The following ST6GALNAC3 variants were observed in gnomAD, a reference collection of about 807,000 sequenced individuals.
ST6GALNAC3 encodes alpha-N-acetylgalactosaminide alpha-2,6-sialyltransferase 3.
ST6GALNAC3 carries 25 observed loss-of-function variants against 32.7 expected under a neutral mutation model. The observed-to-expected ratio is 0.76, with a 90% CI of 0.56 to 1.07. The LOEUF is 1.07. ST6GALNAC3 is among the 50% of genes least tolerant of loss of function. The probability of loss-of-function intolerance (pLI) is 0.00; values close to 1 mark genes in which losing one functional copy is unlikely to be tolerated. For missense variants in ST6GALNAC3, 355 were observed against 382.4 expected (o/e 0.93, Z 0.60); for synonymous variants, 129 against 133.1 (o/e 0.97, Z 0.21).
chr1:76,417,701 T>A (rs1352224207), intron 3 of ST6GALNAC3, among the ~76,000 whole-genome samples: 2 of 152,162 alleles, frequency 1.3e-5, no homozygotes, highest in Admixed American at 6.5e-5. Context: ...GGCACATTAT[T>A]TAATTAAGTA....
chr1:76,488,263 G>A (rs560992455), intron 3 of ST6GALNAC3, among the ~76,000 whole-genome samples: 24 of 152,016 alleles, frequency 1.6e-4, no homozygotes, highest in Non-Finnish European at 3.4e-4. Flanking sequence ...AAAAGTGTGT[G>A]GCACCTCCAC....
At chr1:76,520,817 T>C (rs796268332) in intron 3 of ST6GALNAC3, among the ~76,000 whole-genome samples, 10 of 152,328 alleles carry the variant, frequency 6.6e-5, no homozygotes, top group African/African-American at 2.4e-4. Context: ...GGTTTGTAAC[T>C]ACATGGTACA....
chr1:76,288,701 T>TA (rs1032743826), intron 1 of ST6GALNAC3, among the ~76,000 whole-genome samples: 2 of 151,900 alleles, frequency 1.3e-5, no homozygotes, highest in Middle Eastern at 3.2e-3. Flanking sequence ...AATTTTATTC[T>TA]AAAAAAAATT....
At chr1:76,530,120 T>C (rs954706039) in intron 3 of ST6GALNAC3, among the ~76,000 whole-genome samples, 2 of 152,340 alleles carry the variant, frequency 1.3e-5, no homozygotes, top group Middle Eastern at 3.4e-3. Flanking sequence ...AACACTTGCT[T>C]GTGCCAGAAT....
At chr1:76,555,844 G>T (rs558631756) in intron 3 of ST6GALNAC3, among the ~76,000 whole-genome samples, 4 of 151,946 alleles carry the variant, frequency 2.6e-5, no homozygotes, top group Non-Finnish European at 4.4e-5. Context: ...GAAATTCTGG[G>T]GTTAGGACAT....
At chr1:76,529,241 CTGCACG>C in intron 3 of ST6GALNAC3, among the ~76,000 whole-genome samples, 1 of 152,136 alleles carries the variant, frequency 6.6e-6, no homozygotes, top group East Asian at 1.9e-4. Context: ...TCATTCTTGG[CTGCACG>C]TGTTTCCTTG....
intron 1 of ST6GALNAC3, among the ~76,000 whole-genome samples, chr1:76,301,493 G>T (rs1438401107): frequency 2.0e-5 from 3 of 151,986 alleles, no homozygotes; most frequent in Non-Finnish European, 4.4e-5. Context: ...CGTAATAAAT[G>T]CATATGCTTT....
intron 3 of ST6GALNAC3, among the ~76,000 whole-genome samples, chr1:76,620,732 C>T (rs1380432066): frequency 6.6e-6 from 1 of 151,992 alleles, no homozygotes; most frequent in African/African-American, 2.4e-5. Context: ...AAAATACCAC[C>T]AGACTGGGGA....
At chr1:76,116,748 T>C (rs938828777) in intron 1 of ST6GALNAC3, among the ~76,000 whole-genome samples, 1 of 152,010 alleles carries the variant, frequency 6.6e-6, no homozygotes, top group Non-Finnish European at 1.5e-5. Flanking sequence ...CTTGCCAACA[T>C]GGCAAAACCC....
intron 1 of ST6GALNAC3, among the ~76,000 whole-genome samples, chr1:76,104,090 G>T (rs957474425): frequency 6.6e-6 from 1 of 152,058 alleles, no homozygotes; most frequent in Admixed American, 6.6e-5. Context: ...CAAAAAGTCT[G>T]TTTCAGATAA....
At position 76,191,727 on chromosome 1, in the gene ST6GALNAC3, A is replaced by G. The variant is rs1653908698; in HGVS notation, c.18+116843A>G. ...AGGTGGCTGAGGTCCCTGGGGAGCT[A>G]GAGGGCTGAGATGTGGTCATAGGAG... On this transcript the variant is annotated intron_variant, in intron 1 of 4. Transcript: ENST00000328299. 2.0e-5 allele frequency among the ~76,000 whole-genome samples: 3 copies of G among 152,262 alleles called. No individual in the cohort carries two copies. In the South Asian group the frequency reaches 6.2e-4, roughly 32 times the overall value.
intron 1 of ST6GALNAC3, among the ~76,000 whole-genome samples, chr1:76,172,119 TAA>T (rs922018159): frequency 3.4e-5 from 5 of 148,432 alleles, no homozygotes; most frequent in African/African-American, 1.2e-4. Context: ...CAGCAGCACA[TAA>T]AAAAAAAACT....
intron 3 of ST6GALNAC3, among the ~76,000 whole-genome samples, chr1:76,550,605 T>A (rs1205017077): frequency 6.6e-6 from 1 of 152,152 alleles, no homozygotes; most frequent in East Asian, 1.9e-4. Flanking sequence ...CTGCTTGAGT[T>A]TGAATCCTAA....
intron 3 of ST6GALNAC3, among the ~76,000 whole-genome samples, chr1:76,533,706 G>A (rs1056475066): frequency 4.6e-5 from 7 of 151,892 alleles, no homozygotes; most frequent in African/African-American, 9.7e-5. Flanking sequence ...AATATGGTCC[G>A]TACATCCTGC....
intron 1 of ST6GALNAC3, among the ~76,000 whole-genome samples, chr1:76,279,316 G>C (rs542307706): frequency 1.3e-5 from 2 of 152,338 alleles, no homozygotes; most frequent in Admixed American, 6.5e-5. Flanking sequence ...CTGTGGATCT[G>C]ACTGGAAAGG....
intron 1 of ST6GALNAC3, among the ~76,000 whole-genome samples, chr1:76,181,287 A>C (rs1031522792): frequency 1.3e-5 from 2 of 152,248 alleles, no homozygotes; most frequent in African/African-American, 4.8e-5. Context: ...TTTCAATGGA[A>C]GTGGAATCCA....
chr1:76,115,274 C>T (rs1648383466), intron 1 of ST6GALNAC3, among the ~76,000 whole-genome samples: 1 of 152,158 alleles, frequency 6.6e-6, no homozygotes, highest in African/African-American at 2.4e-5. Context: ...TTCTGCATGT[C>T]AGTATATTTC....
chr1:76,206,308 G>A (rs1227935312), intron 1 of ST6GALNAC3, among the ~76,000 whole-genome samples: 1 of 152,194 alleles, frequency 6.6e-6, no homozygotes, highest in African/African-American at 2.4e-5. Context: ...TTTAGGCTGT[G>A]GAAGGCAGTG....
intron 2 of ST6GALNAC3, among the ~76,000 whole-genome samples, chr1:76,355,283 A>G (rs933335811): frequency 3.3e-5 from 5 of 152,206 alleles, no homozygotes; most frequent in Non-Finnish European, 7.3e-5. Context: ...TTGGAGAATA[A>G]TCTATGTTCA....
Sources: gnomAD v4.1 joint callset for allele counts (sites outside exome capture counted in the v4.1 genomes callset) on GRCh38, gnomAD v4.1.1 for gene constraint, MANE v1.5 for transcripts, NCBI Gene and HGNC (gene_info 2026-07-23, HGNC 2026-07-21) for gene names.